PCCA: variants seen among roughly 807,000 people sequenced by gnomAD.
PCCA encodes the protein propionyl-CoA carboxylase subunit alpha.
A neutral mutation model predicts 101.3 loss-of-function variants in PCCA; 74 were observed. The observed-to-expected ratio is 0.73, with a 90% CI of 0.61 to 0.89. PCCA has a LOEUF of 0.89. Among genes scored for constraint, PCCA ranks in the 40% least tolerant of loss-of-function variants. PCCA has a pLI of 0.00. For synonymous variants in PCCA, 294 were observed against 313.6 expected (o/e 0.94, Z 0.66); for missense variants, 891 against 907.0 (o/e 0.98, Z 0.23).
At chr13:100,404,163 G>T (rs913736990) in intron 19 of PCCA, among the ~76,000 whole-genome samples, 1 of 152,194 alleles carries the variant, frequency 6.6e-6, no homozygotes, top group African/African-American at 2.4e-5. Flanking sequence ...AAACCGGGTT[G>T]TTAGAAAACA....
At chr13:100,416,353 T>C (rs1388520675) in intron 19 of PCCA, among the ~76,000 whole-genome samples, 1 of 151,972 alleles carries the variant, frequency 6.6e-6, no homozygotes, top group Non-Finnish European at 1.5e-5. Context: ...ATCTAATTTT[T>C]ATATTTTTAG....
chr13:100,096,355 G>A (rs902374826), intron 1 of PCCA, among the ~76,000 whole-genome samples: 1 of 152,066 alleles, frequency 6.6e-6, no homozygotes, highest in Non-Finnish European at 1.5e-5. Flanking sequence ...CGTGAACCAC[G>A]CCCATATAAG....
At chr13:100,132,487 T>C (rs1240223788) in intron 4 of PCCA, among the ~76,000 whole-genome samples, 1 of 152,256 alleles carries the variant, frequency 6.6e-6, no homozygotes, top group Non-Finnish European at 1.5e-5. Flanking sequence ...TGTGTATCAA[T>C]AGAATGTTCC....
chr13:100,524,036 T>C (rs1317860639), intron 22 of PCCA, among the ~76,000 whole-genome samples: 3 of 152,218 alleles, frequency 2.0e-5, no homozygotes, highest in African/African-American at 7.2e-5. Context: ...GTTGCTTCCA[T>C]TGGGCCCACT....
At chr13:100,182,721 A>G (rs1179270619) in intron 6 of PCCA, among the ~76,000 whole-genome samples, 1 of 151,990 alleles carries the variant, frequency 6.6e-6, no homozygotes, top group Non-Finnish European at 1.5e-5. Flanking sequence ...TGCTGACTTC[A>G]TTGCTCCTAA....
intron 12 of PCCA, among the ~76,000 whole-genome samples, chr13:100,275,132 C>T (rs564897978): frequency 1.8e-4 from 28 of 152,220 alleles, no homozygotes; most frequent in African/African-American, 4.8e-4. Context: ...GGTTTTCTCA[C>T]GTGCACCAAG....
intron 21 of PCCA, chr13:100,480,497 G>C (rs1382069915): frequency 6.6e-6 from 1 of 152,218 alleles, no homozygotes; most frequent in East Asian, 1.9e-4. Flanking sequence ...AAACTATTCA[G>C]CCATAGCCTG....
intron 6 of PCCA, among the ~76,000 whole-genome samples, chr13:100,165,758 GTGGTA>G (rs1566618401): frequency 6.6e-6 from 1 of 152,168 alleles, no homozygotes. Context: ...CAGGCCAGGT[GTGGTA>G]TCTTACACCT....
rs111602040 is a variant in PCCA, at chr13:100,202,979, T to C, written c.469-6353T>C. 2.7e-3 allele frequency among the ~76,000 whole-genome samples: 416 copies of C among 152,132 alleles called. 2 individuals carry two copies. Among genetic ancestry groups the C allele is most frequent in the African/African-American group, 9.7e-3 (404 of 41,510 alleles). On this transcript the variant is annotated intron_variant, in intron 6 of 23. Transcript: ENST00000376285. ...AAATGTCTTTTAACTTGTTTTGAAATATTAGATGATAGGCCAGGTGCGGTG... is the reference window on the plus strand; with the variant it reads ...AAATGTCTTTTAACTTGTTTTGAAACATTAGATGATAGGCCAGGTGCGGTG...
At chr13:100,519,508 G>C (rs1215969773) in intron 22 of PCCA, among the ~76,000 whole-genome samples, 1 of 152,222 alleles carries the variant, frequency 6.6e-6, no homozygotes, top group Non-Finnish European at 1.5e-5. Flanking sequence ...TCACATCGGT[G>C]GGCGTCGGTG....
chr13:100,157,158 A>G (rs1594427551), intron 5 of PCCA, 129 bp from the exon 6 acceptor site: 1 of 651,198 alleles, frequency 1.5e-6, no homozygotes, highest in East Asian at 2.7e-5. Flanking sequence ...TGATCAGTGT[A>G]TAAGAGAAGT....
At chr13:100,415,388 A>C (rs1300867408) in intron 19 of PCCA, among the ~76,000 whole-genome samples, 2 of 152,224 alleles carry the variant, frequency 1.3e-5, no homozygotes, top group Non-Finnish European at 2.9e-5. Flanking sequence ...CCTGGGTGAC[A>C]GAGTGAGACC....
intron 19 of PCCA, among the ~76,000 whole-genome samples, chr13:100,411,017 A>G (rs1000652343): frequency 1.3e-5 from 2 of 152,168 alleles, no homozygotes; most frequent in Non-Finnish European, 2.9e-5. Flanking sequence ...AGTTGCAAAT[A>G]TAGAATAGGG....
chr13:100,357,237 C>A (rs1238415233), intron 18 of PCCA, among the ~76,000 whole-genome samples: 2 of 152,168 alleles, frequency 1.3e-5, no homozygotes, highest in Non-Finnish European at 2.9e-5. Context: ...TAGTCTGTTA[C>A]ACATTTTATA....
chr13:100,488,058 A>G (rs1001441025), intron 21 of PCCA, among the ~76,000 whole-genome samples: 1 of 151,858 alleles, frequency 6.6e-6, no homozygotes, highest in Non-Finnish European at 1.5e-5. Context: ...TTTTTTAATG[A>G]AGCCACAAGC....
intron 22 of PCCA, 133 bp downstream of exon 22, chr13:100,515,700 C>T (rs1176861156): frequency 2.7e-5 from 27 of 1,017,958 alleles, no homozygotes; most frequent in Admixed American, 1.6e-4. Context: ...ACAGCAAAAT[C>T]GATTGCGTGT....
At chr13:100,525,657 G>A (rs1040282111) in intron 22 of PCCA, among the ~76,000 whole-genome samples, 13 of 152,250 alleles carry the variant, frequency 8.5e-5, no homozygotes, top group African/African-American at 1.4e-4. Context: ...TGTCTGGCCC[G>A]CAGATTCTGA....
At chr13:100,160,215 C>G (rs546438224) in intron 6 of PCCA, among the ~76,000 whole-genome samples, 23 of 152,058 alleles carry the variant, frequency 1.5e-4, no homozygotes, top group Admixed American at 3.3e-4. Context: ...TGAAAAAGAT[C>G]ATGTGGGCCG....
chr13:100,253,840 G>A (rs941280786), intron 8 of PCCA, among the ~76,000 whole-genome samples: 1 of 146,708 alleles, frequency 6.8e-6, no homozygotes, highest in African/African-American at 2.5e-5. Context: ...ACTTGGGAAG[G>A]GCACTAGAGC....
Sources: gnomAD v4.1 joint callset for allele counts (sites outside exome capture counted in the v4.1 genomes callset) on GRCh38, gnomAD v4.1.1 for gene constraint, MANE v1.5 for transcripts, NCBI Gene and HGNC (gene_info 2026-07-23, HGNC 2026-07-21) for gene names.